ERMP1: variants seen among roughly 807,000 people sequenced by gnomAD.
ERMP1 encodes endoplasmic reticulum metallopeptidase 1.
A neutral mutation model predicts 92.0 loss-of-function variants in ERMP1; 86 were observed. That is an observed-to-expected ratio of 0.93 (90% CI 0.79 to 1.12). The LOEUF (loss-of-function observed/expected upper bound fraction) is 1.12, where lower values mean the gene tolerates loss of function less well. ERMP1 is among the 50% of genes most tolerant of loss of function. The pLI is 0.00. For missense variants in ERMP1, 1,342 were observed against 1,116.3 expected (o/e 1.20, Z -2.88); for synonymous variants, 530 against 412.8 (o/e 1.28, Z -3.44).
chr9:5,809,056 C>T (rs1293538587), intron 8 of ERMP1, among the ~76,000 whole-genome samples: 1 of 151,980 alleles, frequency 6.6e-6, no homozygotes, highest in African/African-American at 2.4e-5. Context: ...CAGAATCTCG[C>T]TGTCGCCCCA....
rs115039571 is a variant in ERMP1, at chr9:5,788,808, C to T, written c.2387-1215G>A. Among the ~76,000 whole-genome samples the T allele has an allele frequency of 1.3e-3, 194 of 152,072 alleles. 3 individuals carry two copies. Among genetic ancestry groups the T allele is most frequent in the African/African-American group, 4.6e-3 (189 of 41,496 alleles). On this transcript the variant is annotated intron_variant, in intron 13 of 14. Transcript: ENST00000339450. ...GGATATTTAAAACCCCACCATGAATCAGAAATTCTTACTAGAAGGAAGAAT... is the reference window on the plus strand; with the variant it reads ...GGATATTTAAAACCCCACCATGAATTAGAAATTCTTACTAGAAGGAAGAAT...
chr9:5,834,520 G>GA (rs1830058587), upstream of ERMP1, among the ~76,000 whole-genome samples: 2 of 152,114 alleles, frequency 1.3e-5, no homozygotes, highest in South Asian at 4.1e-4. Flanking sequence ...TTGAGTGAAT[G>GA]AAAAAATGAA....
chr9:5,831,480 C>T (rs1340207921), intron 1 of ERMP1, among the ~76,000 whole-genome samples: 1 of 152,048 alleles, frequency 6.6e-6, no homozygotes, highest in Non-Finnish European at 1.5e-5. Context: ...GACTACTATC[C>T]GCCTGTAGTC....
chr9:5,815,573 G>A (rs780552082), intron 4 of ERMP1, among the ~76,000 whole-genome samples: 1 of 151,142 alleles, frequency 6.6e-6, no homozygotes, highest in Non-Finnish European at 1.5e-5. Context: ...GCAGAATGAT[G>A]GAACCAGAAA....
intron 6 of ERMP1, among the ~76,000 whole-genome samples, chr9:5,840,568 G>C (rs1358096685): frequency 6.6e-6 from 1 of 152,208 alleles, no homozygotes; most frequent in Non-Finnish European, 1.5e-5. Flanking sequence ...ATAGCACCTT[G>C]CCACACCACA....
chr9:5,804,159 C>T (rs1230145807), intron 10 of ERMP1, among the ~76,000 whole-genome samples: 1 of 152,100 alleles, frequency 6.6e-6, no homozygotes, highest in Non-Finnish European at 1.5e-5. Context: ...GCTCCTTTTC[C>T]TGTTTGGTTC....
intron 1 of ERMP1, chr9:5,832,428 G>C (rs1292495103): frequency 2.3e-6 from 1 of 433,478 alleles, no homozygotes; most frequent in Non-Finnish European, 4.1e-6. Flanking sequence ...ACGAAGGGCA[G>C]ACAGTGGAAA....
At chr9:5,816,308 G>A (rs1829303469) in intron 4 of ERMP1, among the ~76,000 whole-genome samples, 1 of 152,106 alleles carries the variant, frequency 6.6e-6, no homozygotes, top group Non-Finnish European at 1.5e-5. Context: ...TATTTCTTGA[G>A]TGTGATCAAT....
At chr9:5,808,032 C>T (rs566272141) in intron 8 of ERMP1, among the ~76,000 whole-genome samples, 4 of 152,094 alleles carry the variant, frequency 2.6e-5, no homozygotes, top group Admixed American at 6.5e-5. Flanking sequence ...CTTATATTGC[C>T]CAGGCTGGTC....
chr9:5,787,149 A>T lies in ERMP1; in HGVS notation c.2710T>A (p.Phe904Ile). The T allele has an allele frequency of 6.2e-7, 1 of 1,612,676 alleles. No homozygotes were observed. Among genetic ancestry groups the T allele is most frequent in the Non-Finnish European group, 8.5e-7 (1 of 1,179,258 alleles). ...AWVCTYDLFV[F>I] is the part of the protein sequence containing the mutation. ...CTTAGAGCTCATCCACAAGATTAAA[A>T]TACAAAGAGATCGTAGGTGCACACC... The change falls in exon 15 of 15, where the codon TTT becomes ATT. Residue 904 changes from phenylalanine to isoleucine, a missense_variant. By Grantham distance (21) the Phe-to-Ile change is conservative. Coordinates refer to ENST00000339450, the MANE Select transcript of ERMP1 (RefSeq NM_024896.3).
chr9:5,839,611 G>T (rs1367820367), intron 6 of ERMP1, among the ~76,000 whole-genome samples: 3 of 152,112 alleles, frequency 2.0e-5, no homozygotes, highest in Non-Finnish European at 2.9e-5. Flanking sequence ...TGCGCACCTG[G>T]AGACCCCCAG....
chr9:5,832,612 C>T (rs1381264842), intron 1 of ERMP1, 78 bp downstream of exon 1: 1 of 1,192,008 alleles, frequency 8.4e-7, no homozygotes, highest in Non-Finnish European at 1.1e-6. Context: ...GGCGGGTGCA[C>T]ACAGGTGCGG....
At chr9:5,859,603 T>G (rs942009629) in exon 6 of ERMP1, among the ~76,000 whole-genome samples, 1 of 152,340 alleles carries the variant, frequency 6.6e-6, no homozygotes, top group South Asian at 2.1e-4. Context: ...TGTGATCAGT[T>G]GACAATGCCT....
chr9:5,832,556 C>G, intron 1 of ERMP1, 134 bp downstream of exon 1: 1 of 655,924 alleles, frequency 1.5e-6, no homozygotes, highest in Non-Finnish European at 2.3e-6. Context: ...CACCCCACCC[C>G]ACGTGCAGCC....
rs768950275 is a variant in ERMP1 at position 5,810,173 on chromosome 9, G to T, written c.1386C>A (p.Phe462Leu). 3.3e-5 allele frequency: 54 copies of T among 1,613,978 alleles called. No homozygotes were observed. The highest frequency in any genetic ancestry group is 4.4e-5 in the Non-Finnish European group (52 of 1,180,014). ...CGLGITLISW[F>L]TSLVTVLIIA... is the part of the protein sequence containing the mutation. ...TAATGAGAACGGTAACAAGGCTAGT[G>T]AACCAGCTGATCAAAGTGATGCCAA... is the stretch of plus-strand genomic sequence containing the variant. Residue 462 changes from phenylalanine to leucine, a missense_variant, in exon 8 of 15, where the codon TTC (phenylalanine) becomes TTA (leucine). Coordinates refer to ENST00000339450, the MANE Select transcript of ERMP1 (RefSeq NM_024896.3).
intron 13 of ERMP1, among the ~76,000 whole-genome samples, chr9:5,795,249 C>G (rs1182317151): frequency 6.6e-6 from 1 of 152,102 alleles, no homozygotes; most frequent in Non-Finnish European, 1.5e-5. Context: ...CTTCCTCAGT[C>G]TCATAAAAAA....
chr9:5,863,638 C>A (rs1484812321), intron 5 of ERMP1, among the ~76,000 whole-genome samples: 1 of 152,120 alleles, frequency 6.6e-6, no homozygotes, highest in Non-Finnish European at 1.5e-5. Context: ...ATGTAAGGAT[C>A]AGAGGGAAGG....
intron 11 of ERMP1, among the ~76,000 whole-genome samples, chr9:5,800,876 C>G (rs537982506): frequency 1.3e-5 from 2 of 152,168 alleles, no homozygotes; most frequent in South Asian, 4.1e-4. Flanking sequence ...TTTCTAAAAA[C>G]TCATTATTCC....
At chr9:5,834,411 G>T (rs890266121), upstream of ERMP1, among the ~76,000 whole-genome samples, 3 of 152,178 alleles carry the variant, frequency 2.0e-5, no homozygotes, top group Non-Finnish European at 4.4e-5. Flanking sequence ...TAGACTGTAA[G>T]CCCCACGAAG....
Sources: allele counts gnomAD v4.1 joint callset (sites outside exome capture counted in the v4.1 genomes callset), GRCh38; gene constraint gnomAD v4.1.1; transcripts MANE v1.5; gene names NCBI Gene and HGNC (gene_info 2026-07-23, HGNC 2026-07-21).